Variants in ATXN1 observed in about 807,000 individuals in gnomAD.
ATXN1 encodes ataxin-1.
A neutral mutation model predicts 56.4 loss-of-function variants in ATXN1; 8 were observed. The ratio of observed to expected loss-of-function variants is 0.14; its 90% CI spans 0.08 to 0.26. The LOEUF is 0.26. Among genes scored for constraint, ATXN1 ranks in the 10% least tolerant of loss-of-function variants. The pLI is 1.00. For synonymous variants in ATXN1, 514 were observed against 494.6 expected, an observed-to-expected ratio of 1.04 and a Z score of -0.52; for missense variants, 987 against 1,106.5, an observed-to-expected ratio of 0.89 and a Z score of 1.53.
chr6:16,371,728 T>TTTTATA (rs1762046800), intron 6 of ATXN1, among the ~76,000 whole-genome samples: 1 of 151,004 alleles, frequency 6.6e-6, no homozygotes, highest in Non-Finnish European at 1.5e-5. Flanking sequence ...TTATTTTTAT[T>TTTTATA]TTTATTTTTA....
At chr6:16,401,270 C>T (rs1435416044) in intron 6 of ATXN1, among the ~76,000 whole-genome samples, 2 of 152,128 alleles carry the variant, frequency 1.3e-5, no homozygotes, top group Non-Finnish European at 1.5e-5. Flanking sequence ...CATGGGAAGT[C>T]ATTAATTGTT....
rs548494475 is a variant in ATXN1 at position 16,539,255 on chromosome 6, G to A, written c.-360-16567C>T. On this transcript the variant is annotated intron_variant, in intron 4 of 7. Coordinates refer to ENST00000436367, the MANE Select transcript of ATXN1 (RefSeq NM_001128164.2). ...TTTTGCATGCAGATTTTATCATGAC[G>A]CTTGCTTTCTCTCTTCTCTTGTATC... 7.1e-4 allele frequency among the ~76,000 whole-genome samples: 108 copies of A among 152,080 alleles called. No individual in the cohort carries two copies. The South Asian group carries it at 0.013, about 18-fold the overall frequency.
intron 7 of ATXN1, among the ~76,000 whole-genome samples, chr6:16,318,663 G>C (rs1224738269): frequency 6.6e-6 from 1 of 152,206 alleles, no homozygotes; most frequent in Non-Finnish European, 1.5e-5. Flanking sequence ...TCAGTCCTTG[G>C]TGGAAGTGTT....
chr6:16,311,350 C>T (rs142669928), intron 7 of ATXN1, among the ~76,000 whole-genome samples: 3 of 152,282 alleles, frequency 2.0e-5, no homozygotes, highest in African/African-American at 7.2e-5. Flanking sequence ...TCTGTGCCTC[C>T]TGACCTCTAC....
intron 5 of ATXN1, among the ~76,000 whole-genome samples, chr6:16,517,575 T>C (rs1372438019): frequency 6.6e-6 from 1 of 152,212 alleles, no homozygotes; most frequent in African/African-American, 2.4e-5. Flanking sequence ...GGAACAAGAA[T>C]GATTAACAGG....
At chr6:16,694,027 T>C (rs1393209305) in intron 2 of ATXN1, among the ~76,000 whole-genome samples, 1 of 152,186 alleles carries the variant, frequency 6.6e-6, no homozygotes, top group Non-Finnish European at 1.5e-5. Context: ...CTTGAAACAA[T>C]GAAAAATTTA....
At chr6:16,342,932 G>C (rs547907488) in intron 6 of ATXN1, among the ~76,000 whole-genome samples, 1 of 152,342 alleles carries the variant, frequency 6.6e-6, no homozygotes, top group South Asian at 2.1e-4. Flanking sequence ...AAACATTCTG[G>C]AGACAGATGG....
chr6:16,450,212 A>G (rs1273204191), intron 6 of ATXN1, among the ~76,000 whole-genome samples: 2 of 152,260 alleles, frequency 1.3e-5, no homozygotes, highest in African/African-American at 4.8e-5. Flanking sequence ...GCAAAAGTTT[A>G]CAAAAACCGG....
intron 3 of ATXN1, among the ~76,000 whole-genome samples, chr6:16,621,403 C>T (rs1581302555): frequency 6.6e-6 from 1 of 152,290 alleles, no homozygotes; most frequent in South Asian, 2.1e-4. Flanking sequence ...GGAGACACAA[C>T]TATTTATCAA....
At chr6:16,399,197 G>A (rs1758516750) in intron 6 of ATXN1, among the ~76,000 whole-genome samples, 1 of 152,186 alleles carries the variant, frequency 6.6e-6, no homozygotes, top group African/African-American at 2.4e-5. Flanking sequence ...GTTAAATGTG[G>A]CAGTGAATGC....
chr6:16,344,117 C>A (rs933528141), intron 6 of ATXN1, among the ~76,000 whole-genome samples: 2 of 152,206 alleles, frequency 1.3e-5, no homozygotes, highest in African/African-American at 2.4e-5. Flanking sequence ...TTCCATGTCA[C>A]CTCCTTAAGG....
At chr6:16,715,168 A>C (rs930514217) in intron 2 of ATXN1, among the ~76,000 whole-genome samples, 3 of 152,158 alleles carry the variant, frequency 2.0e-5, no homozygotes, top group Non-Finnish European at 2.9e-5. Context: ...TGCATATGCC[A>C]CATCCGCTAA....
At chr6:16,614,908 G>A (rs1226236568) in intron 3 of ATXN1, 1 of 151,260 alleles carries the variant, frequency 6.6e-6, no homozygotes. Flanking sequence ...CTGGGCAACA[G>A]AGCAAGACCC....
At chr6:16,393,147 A>G (rs1450616475) in intron 6 of ATXN1, among the ~76,000 whole-genome samples, 1 of 152,236 alleles carries the variant, frequency 6.6e-6, no homozygotes, top group Non-Finnish European at 1.5e-5. Context: ...TCTCAGACCC[A>G]CTAACAGATC....
At chr6:16,321,117 C>G (rs1760640124) in intron 7 of ATXN1, among the ~76,000 whole-genome samples, 3 of 152,200 alleles carry the variant, frequency 2.0e-5, no homozygotes, top group Admixed American at 1.3e-4. Flanking sequence ...GGGATATGTT[C>G]AGACTCAGAT....
chr6:16,327,625 C>T lies in ATXN1; in HGVS notation c.686G>A (p.Arg229Lys), dbSNP rs371710054. 6.3e-7 allele frequency: 1 copy of T among 1,582,728 alleles called. No homozygotes were observed. Among genetic ancestry groups the T allele is most frequent in the African/African-American group, 1.4e-5 (1 of 72,870 alleles). Residue 229 changes from arginine to lysine, a missense_variant, in exon 7 of 8, where the codon AGG (arginine) becomes AAG (lysine). Physicochemically the swap from Arg to Lys is conservative, Grantham distance 26 (BLOSUM62 2). This residue lies in a region of ATXN1 where 723 missense variants were observed against 791.7 expected (regional missense o/e 0.91). Transcript: ENST00000436367. ...QQQQQQQHLS[R>K]APGLITPGSP... ...CCCCGGGGTGATGAGCCCCGGAGCC[C>T]TGCTGAGGTGCTGCTGCTGCTGCTG... is the stretch of plus-strand genomic sequence containing the variant.
At chr6:16,702,092 A>G (rs545667084) in intron 2 of ATXN1, among the ~76,000 whole-genome samples, 2 of 152,138 alleles carry the variant, frequency 1.3e-5, no homozygotes, top group East Asian at 3.9e-4. Flanking sequence ...CTATACTACA[A>G]GGCTACAGTA....
At chr6:16,702,871 A>G (rs993209265) in intron 2 of ATXN1, among the ~76,000 whole-genome samples, 1 of 152,254 alleles carries the variant, frequency 6.6e-6, no homozygotes, top group African/African-American at 2.4e-5. Flanking sequence ...GAACATTTTT[A>G]CACTGTTTGT....
chr6:16,504,459 C>A (rs564316792), intron 5 of ATXN1, among the ~76,000 whole-genome samples: 2 of 152,136 alleles, frequency 1.3e-5, no homozygotes, highest in Admixed American at 6.5e-5. Flanking sequence ...GCACCCCCAC[C>A]CCCAGAAACT....
Sources: gnomAD v4.1 joint callset for allele counts (sites outside exome capture counted in the v4.1 genomes callset) on GRCh38, gnomAD v4.1.1 for gene constraint, gnomAD v4.1.1 regional missense constraint, MANE v1.5 for transcripts, NCBI Gene and HGNC (gene_info 2026-07-23, HGNC 2026-07-21) for gene names.